The following TRIM37 variants were observed in gnomAD, a reference collection of about 807,000 sequenced individuals.
The protein encoded by TRIM37 is tripartite motif containing 37.
Under a neutral mutation model 129.8 loss-of-function variants are expected in TRIM37, and 80 were observed. That is an observed-to-expected ratio of 0.62 (90% CI 0.51 to 0.74). The LOEUF (loss-of-function observed/expected upper bound fraction) is 0.74. Among genes scored for constraint, TRIM37 ranks in the 30% least tolerant of loss-of-function variants. The pLI is 0.00. For missense variants in TRIM37, 1,054 were observed against 1,176.5 expected, an observed-to-expected ratio of 0.90 and a Z score of 1.52; for synonymous variants, 389 against 387.1, an observed-to-expected ratio of 1.00 and a Z score of -0.06.
chr17:59,088,223 A>G, intron 4 of TRIM37, 68 bp downstream of exon 4: 1 of 964,844 alleles, frequency 1.0e-6, no homozygotes, highest in Non-Finnish European at 1.7e-6. Context: ...GCAACTACCA[A>G]TATAGTGTCA....
At position 59,066,099 on chromosome 17, in the gene TRIM37, G is replaced by T. The variant is rs2146622781; in HGVS notation, c.810-1694C>A. ...GATTAGAAGTCACATACTCTTGGAG[G>T]TTTGCTCTAAGGTCTTCCCATTATA... On this transcript the variant is annotated intron_variant, in intron 9 of 23. Transcript: ENST00000262294. Among the ~76,000 whole-genome samples the T allele has an allele frequency of 2.0e-5, 3 of 152,246 alleles. No homozygotes were observed. In the South Asian group the frequency reaches 6.2e-4, roughly 32 times the overall value.
At chr17:59,098,382 T>C (rs961989889) in intron 2 of TRIM37, among the ~76,000 whole-genome samples, 10 of 152,088 alleles carry the variant, frequency 6.6e-5, no homozygotes, top group Admixed American at 2.0e-4. Flanking sequence ...AATTGCAAAT[T>C]TGGCTGGGCC....
the TRIM37 span, among the ~76,000 whole-genome samples, chr17:58,970,893 A>G: frequency 6.6e-6 from 1 of 152,010 alleles, no homozygotes; most frequent in Non-Finnish European, 1.5e-5. Context: ...ATCAATGTGA[A>G]ACAAAGAGAT....
At chr17:58,972,497 T>A in the TRIM37 span, among the ~76,000 whole-genome samples, 5 of 152,206 alleles carry the variant, frequency 3.3e-5, no homozygotes, top group Admixed American at 6.5e-5. Flanking sequence ...ATTACAGGCA[T>A]GTGCCACCAC....
At chr17:59,004,490 C>G (rs565290863) in intron 22 of TRIM37, among the ~76,000 whole-genome samples, 1 of 151,892 alleles carries the variant, frequency 6.6e-6, no homozygotes, top group Admixed American at 6.6e-5. Context: ...AAAAAAACCA[C>G]AATGAAACAA....
At chr17:59,039,408 G>A (rs1462119949) in intron 17 of TRIM37, among the ~76,000 whole-genome samples, 4 of 148,944 alleles carry the variant, frequency 2.7e-5, no homozygotes, top group South Asian at 2.1e-4. Flanking sequence ...GTGCGGTGGC[G>A]CAATCTCAGC....
At chr17:59,012,222 C>A in intron 22 of TRIM37, 106 bp downstream of exon 22, 1 of 736,712 alleles carries the variant, frequency 1.4e-6, no homozygotes. Flanking sequence ...CCACCAGCAG[C>A]AGCAGCACCA....
At chr17:59,007,231 C>CCACACCCACCCACACACACA (rs2034646381) in intron 22 of TRIM37, among the ~76,000 whole-genome samples, 1 of 97,500 alleles carries the variant, frequency 1.0e-5, no homozygotes, top group African/African-American at 4.1e-5. Context: ...CCCCACCCAC[C>CCACACCCACCCACACACACA]CACACACACA....
At chr17:58,972,312 G>A in the TRIM37 span, 41 of 1,557,684 alleles carry the variant, frequency 2.6e-5, no homozygotes, top group Non-Finnish European at 2.4e-5. Flanking sequence ...CCATGCTCTA[G>A]TTATTAGTTT....
rs1037373593 is a variant in TRIM37, at chr17:59,088,836, TA to T, written c.165-430del. 2.4e-4 allele frequency among the ~76,000 whole-genome samples: 36 copies of T among 149,690 alleles called. 1 individual carries two copies. The highest frequency in any genetic ancestry group is 1.3e-3 in the Admixed American group (20 of 15,046). On this transcript the variant is annotated intron_variant, in intron 3 of 23. Transcript: ENST00000262294. Reference sequence around the variant, plus strand: ...CTATTAAAACTAAAAAAATAAAAAATAAAAAAAAAGACAATGAAAAATATTA... The same window carrying T: ...CTATTAAAACTAAAAAAATAAAAAATAAAAAAAAGACAATGAAAAATATTA...
At chr17:59,011,659 T>C (rs955931807) in intron 22 of TRIM37, among the ~76,000 whole-genome samples, 3 of 152,198 alleles carry the variant, frequency 2.0e-5, no homozygotes, top group Non-Finnish European at 4.4e-5. Flanking sequence ...TTGCAAAATG[T>C]CTTCTATGCT....
intron 2 of TRIM37, among the ~76,000 whole-genome samples, chr17:59,092,217 A>C (rs1380926545): frequency 6.7e-6 from 1 of 150,340 alleles, no homozygotes; most frequent in Non-Finnish European, 1.5e-5. Context: ...ACATGGTGAA[A>C]CCCCGTCTCT....
In TRIM37 at chr17:59,079,687, C is replaced by G. The variant is rs1192979352; in HGVS notation, c.616+67G>C. On this transcript the variant is annotated intron_variant, in intron 7 of 23. Transcript: ENST00000262294. ...CCTTCCTAGGATGATCACCCTTATTCTTCAAAGACTGAATCTCAAAGAAGC... is the reference window on the plus strand; with the variant it reads ...CCTTCCTAGGATGATCACCCTTATTGTTCAAAGACTGAATCTCAAAGAAGC... The G allele has an allele frequency of 6.2e-6, 10 of 1,600,756 alleles. No homozygotes were observed. The African/African-American group carries it at 1.2e-4, about 19-fold the overall frequency.
chr17:59,063,455 A>G (rs1241529250), intron 10 of TRIM37, among the ~76,000 whole-genome samples: 1 of 152,078 alleles, frequency 6.6e-6, no homozygotes, highest in Non-Finnish European at 1.5e-5. Context: ...TGGGATTACA[A>G]GCTTAAGCCA....
At chr17:59,064,923 C>T (rs1010762490) in intron 9 of TRIM37, among the ~76,000 whole-genome samples, 2 of 151,926 alleles carry the variant, frequency 1.3e-5, no homozygotes, top group African/African-American at 2.4e-5. Flanking sequence ...TGGTGGTGTG[C>T]GCCTGCAATC....
chr17:59,010,561 T>G (rs2035128493), intron 22 of TRIM37, among the ~76,000 whole-genome samples: 2 of 152,166 alleles, frequency 1.3e-5, no homozygotes. Flanking sequence ...TGGCGTGATC[T>G]CAGCTCACTG....
At chr17:59,098,941 T>C (rs1377773719) in intron 2 of TRIM37, among the ~76,000 whole-genome samples, 1 of 151,978 alleles carries the variant, frequency 6.6e-6, no homozygotes, top group African/African-American at 2.4e-5. Flanking sequence ...TCCCAGCACT[T>C]TGGGAGGCCA....
chr17:59,004,918 C>T (rs1438211774), intron 22 of TRIM37, among the ~76,000 whole-genome samples: 5 of 151,688 alleles, frequency 3.3e-5, no homozygotes, highest in African/African-American at 1.2e-4. Context: ...CCATCTTCAG[C>T]AAAACAAAAA....
intron 1 of TRIM37, 51 bp downstream of exon 1, chr17:59,106,390 C>T (rs748631620): frequency 4.3e-6 from 7 of 1,612,616 alleles, no homozygotes; most frequent in Non-Finnish European, 5.1e-6. Flanking sequence ...GAATAAAAAC[C>T]GCTCATCGGG....
Sources: gnomAD v4.1 joint callset for allele counts (sites outside exome capture counted in the v4.1 genomes callset) on GRCh38, gnomAD v4.1.1 for gene constraint, MANE v1.5 for transcripts, NCBI Gene and HGNC (gene_info 2026-07-23, HGNC 2026-07-21) for gene names.